PAX5: variants seen among roughly 807,000 people sequenced by gnomAD.
PAX5 encodes the protein paired box protein Pax-5.
In PAX5, 9 loss-of-function variants were observed where a neutral mutation model predicts 43.7. The ratio of observed to expected loss-of-function variants is 0.21; its 90% CI spans 0.12 to 0.36. The LOEUF (loss-of-function observed/expected upper bound fraction) is 0.36, where lower values mean the gene tolerates loss of function less well. Ranked by LOEUF, PAX5 falls within the 10% of genes least tolerant of loss-of-function variation. The probability of loss-of-function intolerance (pLI) is 1.00; values close to 1 mark genes in which losing one functional copy is unlikely to be tolerated. For missense variants in PAX5, 383 were observed against 532.7 expected, an observed-to-expected ratio of 0.72 and a Z score of 2.77; for synonymous variants, 228 against 214.3, an observed-to-expected ratio of 1.06 and a Z score of -0.56.
chr9:36,852,683 A>AC (rs1823274992), intron 8 of PAX5, among the ~76,000 whole-genome samples: 1 of 152,194 alleles, frequency 6.6e-6, no homozygotes. Context: ...ATTCTGCCTA[A>AC]CCCCGAGCAA....
chr9:36,878,691 G>T (rs1461397940), intron 8 of PAX5, among the ~76,000 whole-genome samples: 1 of 152,186 alleles, frequency 6.6e-6, no homozygotes, highest in Non-Finnish European at 1.5e-5. Context: ...GCCAAAAGGT[G>T]GGCCCTCTCT....
At chr9:36,948,277 C>T (rs1036935418) in intron 6 of PAX5, among the ~76,000 whole-genome samples, 1 of 152,126 alleles carries the variant, frequency 6.6e-6, no homozygotes. Flanking sequence ...TAAGTGGGAG[C>T]GGCGAGTGTC....
intron 5 of PAX5, among the ~76,000 whole-genome samples, chr9:36,990,410 G>A (rs569894336): frequency 2.0e-5 from 3 of 152,354 alleles, no homozygotes; most frequent in Non-Finnish European, 2.9e-5. Context: ...CGCATGAAAA[G>A]AGGAGAGTGG....
At position 36,833,898 on chromosome 9, in the gene PAX5, T is replaced by C. The variant is rs77568694; in HGVS notation, c.*6662A>G. 585 of 231,350 alleles carry C rather than the reference T, an allele frequency of 2.5e-3. 1 individual carries two copies. The highest frequency in any genetic ancestry group is 3.7e-3 in the Non-Finnish European group (439 of 117,366). 14.3% of individuals were successfully genotyped at this position (231,350 alleles called of 1,614,324 possible). On this transcript the variant is annotated 3_prime_UTR_variant, in exon 10 of 10. Coordinates refer to ENST00000358127, the MANE Select transcript of PAX5 (RefSeq NM_016734.3). ...TTTTTTTTTTTTACAAGTAAGCGTC[T>C]ATGCAGGCATCACAAACTTTGGCGG...
intron 5 of PAX5, among the ~76,000 whole-genome samples, chr9:36,982,557 C>T (rs1341607782): frequency 6.6e-5 from 10 of 152,162 alleles, no homozygotes; most frequent in Non-Finnish European, 1.5e-4. Context: ...AGAACCTGTC[C>T]AGTGCAGGAG....
At chr9:36,954,781 T>A (rs1378290912) in intron 6 of PAX5, among the ~76,000 whole-genome samples, 2 of 152,228 alleles carry the variant, frequency 1.3e-5, no homozygotes, top group African/African-American at 4.8e-5. Flanking sequence ...AAGTCTTAGC[T>A]ATTATTTCTT....
At chr9:36,952,836 T>G (rs1331185746) in intron 6 of PAX5, among the ~76,000 whole-genome samples, 2 of 152,192 alleles carry the variant, frequency 1.3e-5, no homozygotes, top group African/African-American at 4.8e-5. Context: ...CTCCATACAT[T>G]GTTATTATTA....
At chr9:36,860,432 G>T (rs535139094) in intron 8 of PAX5, among the ~76,000 whole-genome samples, 7 of 152,132 alleles carry the variant, frequency 4.6e-5, no homozygotes, top group Non-Finnish European at 1.0e-4. Context: ...AGCGGGGGGA[G>T]GCAGATGGTA....
chr9:36,841,821 A>C (rs190400764), intron 9 of PAX5, among the ~76,000 whole-genome samples: 99 of 152,328 alleles, frequency 6.5e-4, no homozygotes, highest in African/African-American at 2.0e-3. Flanking sequence ...AGCCTGACAC[A>C]GGTTAATATT....
At chr9:36,911,867 C>T (rs564566720) in intron 7 of PAX5, among the ~76,000 whole-genome samples, 10 of 152,326 alleles carry the variant, frequency 6.6e-5, no homozygotes, top group Admixed American at 3.9e-4. Context: ...ACCACGCAGC[C>T]GAAACCAGCC....
intron 9 of PAX5, among the ~76,000 whole-genome samples, chr9:36,841,532 T>C (rs1164639723): frequency 6.6e-6 from 1 of 152,200 alleles, no homozygotes; most frequent in Non-Finnish European, 1.5e-5. Flanking sequence ...CCCTATGCTA[T>C]GGGAAAGACT....
intron 1 of PAX5, among the ~76,000 whole-genome samples, chr9:37,030,457 T>C (rs971544924): frequency 2.0e-5 from 3 of 152,188 alleles, no homozygotes; most frequent in Non-Finnish European, 4.4e-5. Flanking sequence ...AGCCGCAGCC[T>C]GGGTCCAGGA....
intron 4 of PAX5, 99 bp from the exon 5 acceptor site, chr9:37,002,875 G>T: frequency 7.0e-7 from 1 of 1,422,802 alleles, no homozygotes. Context: ...GAGGGAGCGA[G>T]CGCAGGGTGG....
intron 6 of PAX5, among the ~76,000 whole-genome samples, chr9:36,928,976 T>C (rs760910511): frequency 6.6e-6 from 1 of 152,230 alleles, no homozygotes; most frequent in Non-Finnish European, 1.5e-5. Context: ...AACCACTGCA[T>C]GTCTCTTTTG....
intron 7 of PAX5, among the ~76,000 whole-genome samples, chr9:36,889,062 T>C (rs1827149792): frequency 6.6e-6 from 1 of 152,192 alleles, no homozygotes; most frequent in Non-Finnish European, 1.5e-5. Flanking sequence ...TGTAACAGGA[T>C]TAAAACATGT....
chr9:37,006,422 A>G (rs1466088700), intron 4 of PAX5, 51 bp downstream of exon 4: 1 of 1,308,806 alleles, frequency 7.6e-7, no homozygotes, highest in Non-Finnish European at 1.1e-6. Context: ...AGTTCTTTAG[A>G]ATATTTGGAG....
Position 36,838,743 on chromosome 9 carries a change from C to T in PAX5, c.*1817G>A, listed in dbSNP as rs1473862787. ...GGGCCTGCCCCAGATGATCCTCTCACAGCCCCGGCTCCCTGGAGAGAGGAG... is the reference window on the plus strand; with the variant it reads ...GGGCCTGCCCCAGATGATCCTCTCATAGCCCCGGCTCCCTGGAGAGAGGAG... On this transcript the variant is annotated 3_prime_UTR_variant, in exon 10 of 10. Transcript: ENST00000358127. 2 of 233,246 alleles carry T rather than the reference C, an allele frequency of 8.6e-6. No homozygotes were observed. The highest frequency in any genetic ancestry group is 2.2e-5 in the African/African-American group (1 of 45,354). 14.4% of individuals were successfully genotyped at this position (233,246 alleles called of 1,614,324 possible).
intron 1 of PAX5, among the ~76,000 whole-genome samples, chr9:37,033,411 C>T (rs1841190610): frequency 6.6e-6 from 1 of 152,222 alleles, no homozygotes; most frequent in Non-Finnish European, 1.5e-5. Flanking sequence ...GTAGCCACTT[C>T]TTTCTCACAT....
intron 3 of PAX5, chr9:37,007,896 T>C (rs1838584932): frequency 1.3e-5 from 2 of 152,214 alleles, no homozygotes; most frequent in Admixed American, 1.3e-4. Flanking sequence ...GTTGTTTGTT[T>C]TGAGACAGAG....
Sources: gnomAD v4.1 joint callset for allele counts (sites outside exome capture counted in the v4.1 genomes callset) on GRCh38, gnomAD v4.1.1 for gene constraint, MANE v1.5 for transcripts, NCBI Gene and HGNC (gene_info 2026-07-23, HGNC 2026-07-21) for gene names.